Variants in AHCYL2 observed in about 807,000 individuals in gnomAD.
AHCYL2 encodes S-adenosylhomocysteine hydrolase-like protein 2.
A neutral mutation model predicts 81.4 loss-of-function variants in AHCYL2; 28 were observed. The ratio of observed to expected loss-of-function variants is 0.34; its 90% CI spans 0.25 to 0.47. The LOEUF is 0.47. AHCYL2 is among the 20% of genes least tolerant of loss of function. The probability of loss-of-function intolerance (pLI) is 1.00; values close to 1 mark genes in which losing one functional copy is unlikely to be tolerated. For missense variants in AHCYL2, 551 were observed against 785.1 expected (o/e 0.70, Z 3.56); for synonymous variants, 272 against 290.2 (o/e 0.94, Z 0.64).
At chr7:129,398,641 A>G (rs1795865171) in intron 5 of AHCYL2, among the ~76,000 whole-genome samples, 1 of 150,590 alleles carries the variant, frequency 6.6e-6, no homozygotes, top group Non-Finnish European at 1.5e-5. Flanking sequence ...GGCCTCCCAA[A>G]GTGCTGGGAT....
chr7:129,361,721 T>C (rs918635870), intron 1 of AHCYL2, among the ~76,000 whole-genome samples: 4 of 152,086 alleles, frequency 2.6e-5, no homozygotes, highest in African/African-American at 9.7e-5. Context: ...CTTCAAACTC[T>C]TGGGCTCTAT....
chr7:129,426,332 G>A lies in AHCYL2; in HGVS notation c.1709-111G>A. 1 of 1,526,154 alleles carries A rather than the reference G, an allele frequency of 6.6e-7. No homozygotes were observed. Among genetic ancestry groups the A allele is most frequent in the Non-Finnish European group, 9.1e-7 (1 of 1,104,346 alleles). 94.5% of individuals were successfully genotyped at this position (1,526,154 alleles called of 1,614,324 possible). A position where few individuals can be genotyped will look rare whatever the true frequency, so the allele number is the denominator to read the frequency against. On this transcript the variant is annotated intron_variant, in intron 15 of 16. Coordinates refer to ENST00000325006, the MANE Select transcript of AHCYL2 (RefSeq NM_015328.4). This position sits in a 1 kb window ranked among gnomAD's most constrained non-coding sequence, Gnocchi z 4.3. ...GCGAAGGTTGAACATTTTTCATTCA[G>A]CTCCAGGAATTAGAAGGTGTCTTTG... is the stretch of plus-strand genomic sequence containing the variant.
intron 1 of AHCYL2, among the ~76,000 whole-genome samples, chr7:129,371,588 G>A (rs1403135793): frequency 3.9e-5 from 6 of 152,174 alleles, no homozygotes; most frequent in African/African-American, 1.4e-4. Context: ...TGAAAGGTTG[G>A]GGAACACTTC....
chr7:129,385,526 GA>G (rs1261805016), intron 2 of AHCYL2, among the ~76,000 whole-genome samples: 1 of 152,134 alleles, frequency 6.6e-6, no homozygotes, highest in Non-Finnish European at 1.5e-5. Flanking sequence ...GGAAAATAAT[GA>G]AACAAGATAA....
Position 129,368,173 on chromosome 7 carries a change from G to A in AHCYL2, c.364-11465G>A, listed in dbSNP as rs145120793. The stretch of plus-strand genomic sequence containing the variant: ...CAGAAAGTCCCCACTGGGGAGGTGC[G>A]GGTAGAGTGTTTGGGTAGCATTAAA... On this transcript the variant is annotated intron_variant, in intron 1 of 16. Transcript: ENST00000325006. This position sits in a 1 kb window ranked among gnomAD's most constrained non-coding sequence, Gnocchi z 4.4. 94 of 1,119,794 alleles carry A rather than the reference G, an allele frequency of 8.4e-5. 1 individual carries two copies. In the East Asian group the frequency reaches 3.6e-3, roughly 43 times the overall value. 69.4% of individuals were successfully genotyped at this position (1,119,794 alleles called of 1,614,324 possible).
At chr7:129,283,314 T>C (rs1275608558) in intron 1 of AHCYL2, 1 of 454,658 alleles carries the variant, frequency 2.2e-6, no homozygotes, top group East Asian at 6.9e-5. Flanking sequence ...CTTACTTCAC[T>C]TGTTTTCTGT....
intron 1 of AHCYL2, among the ~76,000 whole-genome samples, chr7:129,336,935 G>A (rs1400065947): frequency 1.3e-5 from 2 of 151,936 alleles, no homozygotes; most frequent in Non-Finnish European, 2.9e-5. Context: ...TTGTAAAGAC[G>A]GGTGTCTCAT....
intron 1 of AHCYL2, among the ~76,000 whole-genome samples, chr7:129,264,305 C>T (rs1795744232): frequency 6.6e-6 from 1 of 152,226 alleles, no homozygotes; most frequent in South Asian, 2.1e-4. Flanking sequence ...CAGGCGTGAG[C>T]CACTGCGCCC....
Position 129,427,686 on chromosome 7 carries a change from ATTT to A in AHCYL2, c.*643_*645del, listed in dbSNP as rs538022281. On this transcript the variant is annotated 3_prime_UTR_variant, in exon 17 of 17. Transcript: ENST00000325006. The surrounding 1 kb of genome is among the most constrained non-coding windows in gnomAD (Gnocchi z 5.5). ...TTCTTCTCCTTGAATATTTATGTCCATTTTAACACTTCCTGGTTGCAAGAGGGA... is the reference window on the plus strand; with the variant it reads ...TTCTTCTCCTTGAATATTTATGTCCATAACACTTCCTGGTTGCAAGAGGGA... 6 of 152,738 alleles carry A rather than the reference ATTT, an allele frequency of 3.9e-5. No homozygotes were observed. Among genetic ancestry groups the A allele is most frequent in the Admixed American group, 3.9e-4 (6 of 15,292 alleles). 9.5% of individuals were successfully genotyped at this position (152,738 alleles called of 1,614,324 possible). A position where few individuals can be genotyped will look rare whatever the true frequency, so the allele number is the denominator to read the frequency against.
intron 1 of AHCYL2, among the ~76,000 whole-genome samples, chr7:129,236,702 A>G (rs1335092332): frequency 3.9e-5 from 6 of 152,246 alleles, no homozygotes; most frequent in African/African-American, 1.4e-4. Flanking sequence ...AGCTAACGAT[A>G]CACGAAACAA....
At chr7:129,330,075 G>GCTCACT (rs1798363827) in intron 1 of AHCYL2, among the ~76,000 whole-genome samples, 2 of 152,266 alleles carry the variant, frequency 1.3e-5, no homozygotes, top group South Asian at 4.1e-4. Flanking sequence ...CACGATCATA[G>GCTCACT]GTGAGCTTGA....
chr7:129,262,838 T>C (rs1022806610), intron 1 of AHCYL2, among the ~76,000 whole-genome samples: 4 of 152,118 alleles, frequency 2.6e-5, no homozygotes, highest in Non-Finnish European at 5.9e-5. Flanking sequence ...CAACATTCCT[T>C]TTTATGAAGA....
At chr7:129,253,436 A>G (rs1795308051) in intron 1 of AHCYL2, among the ~76,000 whole-genome samples, 1 of 152,210 alleles carries the variant, frequency 6.6e-6, no homozygotes, top group Non-Finnish European at 1.5e-5. Context: ...TAATGGCAAG[A>G]CCAAATAAAG....
chr7:129,372,676 G>C (rs1794466543), intron 1 of AHCYL2, among the ~76,000 whole-genome samples: 1 of 152,066 alleles, frequency 6.6e-6, no homozygotes, highest in Non-Finnish European at 1.5e-5. Context: ...AGCCAGGCAT[G>C]GTTGGTGTGC....
intron 1 of AHCYL2, among the ~76,000 whole-genome samples, chr7:129,262,289 C>T (rs1019925728): frequency 1.3e-5 from 2 of 152,172 alleles, no homozygotes; most frequent in African/African-American, 4.8e-5. Context: ...AATAAGGTGG[C>T]GAAATGTACA....
chr7:129,370,500 C>T (rs1159234971), intron 1 of AHCYL2, among the ~76,000 whole-genome samples: 2 of 152,062 alleles, frequency 1.3e-5, no homozygotes, highest in South Asian at 2.1e-4. Context: ...AGATCAAGAT[C>T]ATCCTGGCTA....
intron 1 of AHCYL2, among the ~76,000 whole-genome samples, chr7:129,314,942 G>C (rs1190727822): frequency 6.6e-6 from 1 of 152,052 alleles, no homozygotes; most frequent in Admixed American, 6.6e-5. Flanking sequence ...TTTTCTCTGA[G>C]CCTCAGTTTC....
In AHCYL2 at chr7:129,243,002, C is replaced by T. The variant is rs186293885; in HGVS notation, c.363+17563C>T. ...TGGGATCCCAGTGGCGTTTTCTTATCGACTATATTGTTTCTCTTTTTTTTT... is the reference window on the plus strand; with the variant it reads ...TGGGATCCCAGTGGCGTTTTCTTATTGACTATATTGTTTCTCTTTTTTTTT... On this transcript the variant is annotated intron_variant, in intron 1 of 16. Coordinates refer to ENST00000325006, the MANE Select transcript of AHCYL2 (RefSeq NM_015328.4). Among the ~76,000 whole-genome samples the T allele has an allele frequency of 3.0e-4, 44 of 147,830 alleles. No individual in the cohort carries two copies. The East Asian group carries it at 3.0e-3, about 10-fold the overall frequency.
At position 129,428,039 on chromosome 7, in the gene AHCYL2, T is replaced by C. The variant is rs376930483; in HGVS notation, c.*994T>C. The C allele has an allele frequency of 6.6e-6, 1 of 152,246 alleles. No individual in the cohort carries two copies. The highest frequency in any genetic ancestry group is 1.5e-5 in the Non-Finnish European group (1 of 68,040). 9.4% of individuals were successfully genotyped at this position (152,246 alleles called of 1,614,324 possible). A position where few individuals can be genotyped will look rare whatever the true frequency, so the allele number is the denominator to read the frequency against. On this transcript the variant is annotated 3_prime_UTR_variant, in exon 17 of 17. Coordinates refer to ENST00000325006, the MANE Select transcript of AHCYL2 (RefSeq NM_015328.4). ...TGGAAATGGGACAGGTCTTTCAGAC[T>C]CACAGCTTGATACCCTAACAAAGCA...
Sources: gnomAD v4.1 joint callset for allele counts (sites outside exome capture counted in the v4.1 genomes callset) on GRCh38, gnomAD v4.1.1 for gene constraint, Gnocchi (gnomAD v3.1) non-coding constraint, MANE v1.5 for transcripts, NCBI Gene and HGNC (gene_info 2026-07-23, HGNC 2026-07-21) for gene names.